Variants in MGLL observed in about 807,000 individuals in gnomAD.
The protein encoded by MGLL is lysophospholipase homolog.
MGLL carries 7 observed loss-of-function variants against 29.1 expected under a neutral mutation model. The ratio of observed to expected loss-of-function variants is 0.24; its 90% confidence interval spans 0.14 to 0.45. The LOEUF is 0.45. MGLL is among the 20% of genes least tolerant of loss of function. The pLI is 0.99. For synonymous variants in MGLL, 148 were observed against 168.3 expected, an observed-to-expected ratio of 0.88 and a Z score of 0.93; for missense variants, 356 against 413.6, an observed-to-expected ratio of 0.86 and a Z score of 1.21.
At chr3:127,751,128 A>C (rs964917879) in intron 3 of MGLL, among the ~76,000 whole-genome samples, 33 of 152,156 alleles carry the variant, frequency 2.2e-4, no homozygotes, top group Non-Finnish European at 4.1e-4. Flanking sequence ...AAGATCAGAA[A>C]TAGCTCCCAG....
intron 2 of MGLL, among the ~76,000 whole-genome samples, chr3:127,801,302 CAA>C (rs1167832631): frequency 1.8e-4 from 10 of 55,042 alleles, no homozygotes; most frequent in Middle Eastern, 0.015. Flanking sequence ...AACTCCATCT[CAA>C]AAAAAAAAAA....
rs763430390 is a variant in MGLL, at chr3:127,821,787, G to A, written c.62C>T (p.Pro21Leu). 78 of 1,614,002 alleles carry A rather than the reference G, an allele frequency of 4.8e-5. No homozygotes were observed. The highest frequency in any genetic ancestry group is 6.1e-5 in the Non-Finnish European group (72 of 1,179,992). ...MPEESSPRRT[P>L]QSIPYQDLPH... ...GAGGTCCTGGTAGGGAATGCTCTGC[G>A]GGGTCCGCCTGGGGGAACTTTCCTC... The change falls in exon 2 of 8, where the codon CCG (proline) becomes CTG (leucine). Residue 21 changes from proline (P) to leucine (L), a missense_variant. Pro to Leu is a moderately conservative substitution (Grantham distance 98). Transcript: ENST00000265052.
At chr3:127,821,292 G>T (rs929796380) in intron 2 of MGLL, among the ~76,000 whole-genome samples, 3 of 152,120 alleles carry the variant, frequency 2.0e-5, no homozygotes, top group Admixed American at 6.5e-5. Context: ...GAAACAAGCA[G>T]GAAAAGTGAG....
intron 3 of MGLL, among the ~76,000 whole-genome samples, chr3:127,745,333 G>A (rs1475184596): frequency 6.6e-6 from 1 of 152,192 alleles, no homozygotes; most frequent in Non-Finnish European, 1.5e-5. Flanking sequence ...TAAAGAAAAT[G>A]TGGTGCATTT....
chr3:127,694,945 G>A lies in MGLL; in HGVS notation c.816+30C>T, dbSNP rs773230632. 18 of 1,606,208 alleles carry A rather than the reference G, an allele frequency of 1.1e-5. No individual in the cohort carries two copies. The Admixed American group carries it at 1.7e-4, about 15-fold the overall frequency. The stretch of plus-strand genomic sequence containing the variant: ...GCCTTCCTGTCCCCCCTCCACCTTG[G>A]GGGGAAGTGGGCAAGTGGCAGCCGC... On this transcript the variant is annotated intron_variant, in intron 7 of 7. Coordinates refer to ENST00000265052, the MANE Select transcript of MGLL (RefSeq NM_007283.7).
intron 6 of MGLL, among the ~76,000 whole-genome samples, chr3:127,705,356 C>T (rs560947438): frequency 6.6e-6 from 1 of 151,608 alleles, no homozygotes; most frequent in East Asian, 1.9e-4. Flanking sequence ...ACCTGCACAT[C>T]CTGCGTATGT....
intron 3 of MGLL, among the ~76,000 whole-genome samples, chr3:127,734,901 G>C (rs1160515212): frequency 1.3e-5 from 2 of 152,232 alleles, no homozygotes; most frequent in Admixed American, 1.3e-4. Context: ...TGTCTGCCCT[G>C]CATTCCTGGC....
rs1021183774 is a variant in MGLL, at chr3:127,694,911, A to G, written c.816+64T>C. 3.9e-6 allele frequency: 6 copies of G among 1,543,536 alleles called. No homozygotes were observed. The African/African-American group carries it at 5.5e-5, about 14-fold the overall frequency. On this transcript the variant is annotated intron_variant, in intron 7 of 7. Coordinates refer to ENST00000265052, the MANE Select transcript of MGLL (RefSeq NM_007283.7). ...CGAGGGTCTGGGCAGATGTGCCCCA[A>G]GGGGTGCTGCCTTCCTGTCCCCCCT...
At chr3:127,755,127 AACTAGGGG>A (rs2076639509) in intron 3 of MGLL, among the ~76,000 whole-genome samples, 1 of 152,146 alleles carries the variant, frequency 6.6e-6, no homozygotes, top group African/African-American at 2.4e-5. Context: ...CGGCCTCGTC[AACTAGGGG>A]ATGCCCCATG....
At chr3:127,788,473 G>A (rs1201345252) in intron 2 of MGLL, among the ~76,000 whole-genome samples, 1 of 152,072 alleles carries the variant, frequency 6.6e-6, no homozygotes, top group Non-Finnish European at 1.5e-5. Flanking sequence ...TAAATAATAA[G>A]ACAACACCAC....
At chr3:127,822,143 T>A in intron 1 of MGLL, 166 bp downstream of exon 1, 3 of 768,340 alleles carry the variant, frequency 3.9e-6, no homozygotes, top group Non-Finnish European at 6.4e-6. Flanking sequence ...ATTTTAGCTG[T>A]AATCAAGTGG....
At chr3:127,762,162 G>A (rs552446373) in intron 3 of MGLL, among the ~76,000 whole-genome samples, 3 of 152,322 alleles carry the variant, frequency 2.0e-5, no homozygotes, top group African/African-American at 7.2e-5. Context: ...TTGCTTCCAC[G>A]TTAGTGACAC....
intron 2 of MGLL, among the ~76,000 whole-genome samples, chr3:127,782,840 C>G (rs549613884): frequency 6.6e-6 from 1 of 152,278 alleles, no homozygotes; most frequent in African/African-American, 2.4e-5. Context: ...ATTTCTAACT[C>G]TCCAGTCATC....
intron 3 of MGLL, among the ~76,000 whole-genome samples, chr3:127,726,439 T>A (rs2076048824): frequency 6.6e-6 from 1 of 152,142 alleles, no homozygotes; most frequent in Non-Finnish European, 1.5e-5. Context: ...TTATTTTTTT[T>A]TATTTTTTAT....
intron 3 of MGLL, among the ~76,000 whole-genome samples, chr3:127,734,040 GA>G (rs1457286830): frequency 6.6e-6 from 1 of 152,248 alleles, no homozygotes; most frequent in Admixed American, 6.5e-5. Flanking sequence ...GCCCAGGTCT[GA>G]AGTAGAAAAC....
At chr3:127,742,205 G>C (rs539510608) in intron 3 of MGLL, among the ~76,000 whole-genome samples, 1 of 152,292 alleles carries the variant, frequency 6.6e-6, no homozygotes, top group East Asian at 1.9e-4. Context: ...TGTCAGCACG[G>C]GAGTTACCAT....
At chr3:127,818,030 C>T (rs909095861) in intron 2 of MGLL, among the ~76,000 whole-genome samples, 18 of 152,174 alleles carry the variant, frequency 1.2e-4, no homozygotes, top group South Asian at 2.1e-4. Context: ...GTGCGATCTC[C>T]GCTCACTGCA....
chr3:127,785,006 G>A (rs1444289777), intron 2 of MGLL, among the ~76,000 whole-genome samples: 2 of 152,160 alleles, frequency 1.3e-5, no homozygotes, highest in Admixed American at 1.3e-4. Flanking sequence ...GATGTGCCAG[G>A]CGATAGTGTG....
At chr3:127,821,608 C>T in intron 2 of MGLL, 86 bp downstream of exon 2, 3 of 1,528,548 alleles carry the variant, frequency 2.0e-6, no homozygotes, top group South Asian at 2.3e-5. Flanking sequence ...AGCGGCCCCG[C>T]CCCAGATGGC....
Sources: gnomAD v4.1 joint callset for allele counts (sites outside exome capture counted in the v4.1 genomes callset) on GRCh38, gnomAD v4.1.1 for gene constraint, MANE v1.5 for transcripts, NCBI Gene and HGNC (gene_info 2026-07-23, HGNC 2026-07-21) for gene names.